The following LRRC4C variants were observed in gnomAD, a reference collection of about 807,000 sequenced individuals.
The protein encoded by LRRC4C is leucine-rich repeat-containing protein 4C.
A neutral mutation model predicts 33.6 loss-of-function variants in LRRC4C; 5 were observed. The observed-to-expected ratio is 0.15, with a 90% CI of 0.08 to 0.31. The LOEUF (loss-of-function observed/expected upper bound fraction) is 0.31, where lower values mean the gene tolerates loss of function less well. Among genes scored for constraint, LRRC4C ranks in the 10% least tolerant of loss-of-function variants. LRRC4C has a pLI of 1.00. For missense variants in LRRC4C, 560 were observed against 796.7 expected, an observed-to-expected ratio of 0.70 and a Z score of 3.58; for synonymous variants, 329 against 302.0, an observed-to-expected ratio of 1.09 and a Z score of -0.93.
At chr11:41,228,153 C>T (rs188689183) in intron 1 of LRRC4C, among the ~76,000 whole-genome samples, 1 of 152,128 alleles carries the variant, frequency 6.6e-6, no homozygotes, top group Non-Finnish European at 1.5e-5. Context: ...TGTTATTTTT[C>T]ACAGACAAAC....
At chr11:40,401,446 T>G (rs1211004096) in intron 3 of LRRC4C, among the ~76,000 whole-genome samples, 1 of 152,126 alleles carries the variant, frequency 6.6e-6, no homozygotes, top group African/African-American at 2.4e-5. Flanking sequence ...TTATTTTGGC[T>G]TTCATTTACC....
At chr11:41,376,563 A>C (rs1952943161) in intron 1 of LRRC4C, among the ~76,000 whole-genome samples, 1 of 152,216 alleles carries the variant, frequency 6.6e-6, no homozygotes, top group Non-Finnish European at 1.5e-5. Context: ...GACCAAAAAT[A>C]AAACAATAGT....
At chr11:40,164,982 T>C (rs368639854) in intron 5 of LRRC4C, among the ~76,000 whole-genome samples, 1 of 152,202 alleles carries the variant, frequency 6.6e-6, no homozygotes, top group East Asian at 1.9e-4. Flanking sequence ...ATTGCTTTTA[T>C]CCAGGAATCT....
intron 3 of LRRC4C, among the ~76,000 whole-genome samples, chr11:40,517,673 G>A (rs990610759): frequency 1.3e-5 from 2 of 151,818 alleles, no homozygotes; most frequent in Admixed American, 6.6e-5. Context: ...TGGCCATACT[G>A]CCCAAAGTAA....
At chr11:41,428,028 CTT>C (rs2138391850) in intron 1 of LRRC4C, among the ~76,000 whole-genome samples, 2 of 152,196 alleles carry the variant, frequency 1.3e-5, no homozygotes, top group African/African-American at 4.8e-5. Context: ...CGCTGACTCT[CTT>C]TTTGGACTCA....
chr11:41,063,230 T>C (rs1937928061), intron 1 of LRRC4C, among the ~76,000 whole-genome samples: 1 of 152,198 alleles, frequency 6.6e-6, no homozygotes, highest in African/African-American at 2.4e-5. Flanking sequence ...AAACTATACC[T>C]TTATTATTTA....
chr11:40,546,430 A>G (rs1956927835), intron 3 of LRRC4C, among the ~76,000 whole-genome samples: 1 of 152,054 alleles, frequency 6.6e-6, no homozygotes, highest in Non-Finnish European at 1.5e-5. Context: ...TTCATCCTCT[A>G]GAATATAGAG....
intron 2 of LRRC4C, among the ~76,000 whole-genome samples, chr11:40,768,549 A>C (rs1021426390): frequency 6.6e-6 from 1 of 152,154 alleles, no homozygotes; most frequent in African/African-American, 2.4e-5. Context: ...AAAAAGAAAC[A>C]GGCCAATATC....
chr11:40,143,889 G>C (rs1857542614), intron 5 of LRRC4C, among the ~76,000 whole-genome samples: 1 of 152,244 alleles, frequency 6.6e-6, no homozygotes, highest in Admixed American at 6.5e-5. Context: ...CCATTTTATA[G>C]GTGAGGAAAC....
chr11:40,598,623 T>C (rs1159761781), intron 3 of LRRC4C, among the ~76,000 whole-genome samples: 1 of 152,196 alleles, frequency 6.6e-6, no homozygotes, highest in Non-Finnish European at 1.5e-5. Flanking sequence ...TCCATCTCTT[T>C]CAACACATAC....
At position 40,883,422 on chromosome 11, in the gene LRRC4C, C is replaced by T. The variant is rs1019280466; in HGVS notation, c.-407+50213G>A. On this transcript the variant is annotated intron_variant, in intron 2 of 6. Transcript: ENST00000528697. ...AGGGGATATAAACTGAACTCACATT[C>T]GAAAAGATTTCTATCAGCAGATAGC... Among the ~76,000 whole-genome samples the T allele has an allele frequency of 9.2e-5, 14 of 151,850 alleles. No individual in the cohort carries two copies. The East Asian group carries it at 1.5e-3, about 17-fold the overall frequency.
intron 3 of LRRC4C, among the ~76,000 whole-genome samples, chr11:40,624,639 G>A (rs12226401): frequency 0.43 from 65,699 of 151,954 alleles, 15,279 homozygotes; most frequent in Middle Eastern, 0.57. Context: ...TTGTCAGCCC[G>A]AAAGATCCAC....
chr11:41,169,851 C>T (rs917102887), intron 1 of LRRC4C, among the ~76,000 whole-genome samples: 2 of 151,956 alleles, frequency 1.3e-5, no homozygotes, highest in Non-Finnish European at 1.5e-5. Context: ...ACAGGAAAAC[C>T]GTGCTTAGAT....
chr11:41,445,713 A>G (rs1955799773), intron 1 of LRRC4C, among the ~76,000 whole-genome samples: 1 of 152,176 alleles, frequency 6.6e-6, no homozygotes, highest in African/African-American at 2.4e-5. Flanking sequence ...CAATAATTAC[A>G]CCTTTCTTAA....
chr11:41,072,380 T>C (rs1375973334), intron 1 of LRRC4C, among the ~76,000 whole-genome samples: 2 of 134,200 alleles, frequency 1.5e-5, no homozygotes, highest in Non-Finnish European at 3.1e-5. Flanking sequence ...AAAAAAAAAT[T>C]GTGATCTCCA....
At chr11:40,133,220 A>G (rs1355472762) in intron 6 of LRRC4C, among the ~76,000 whole-genome samples, 2 of 152,214 alleles carry the variant, frequency 1.3e-5, no homozygotes, top group African/African-American at 4.8e-5. Flanking sequence ...ATGCCTTTAT[A>G]GGTTGAAAAC....
chr11:41,293,880 A>C (rs996483058), intron 1 of LRRC4C, among the ~76,000 whole-genome samples: 2 of 152,138 alleles, frequency 1.3e-5, no homozygotes, highest in African/African-American at 4.8e-5. Flanking sequence ...TACAGGTGTG[A>C]GCCACCTCGC....
At chr11:40,565,242 G>A (rs867974179) in intron 3 of LRRC4C, among the ~76,000 whole-genome samples, 2 of 152,106 alleles carry the variant, frequency 1.3e-5, no homozygotes, top group African/African-American at 2.4e-5. Flanking sequence ...AAGTGAGTCT[G>A]TGCATCATAA....
intron 2 of LRRC4C, among the ~76,000 whole-genome samples, chr11:40,829,456 C>A (rs938407713): frequency 1.3e-5 from 2 of 151,964 alleles, no homozygotes; most frequent in South Asian, 2.1e-4. Flanking sequence ...TTAGTAGTTT[C>A]TTTGGCAATG....
Sources: gnomAD v4.1 joint callset for allele counts (sites outside exome capture counted in the v4.1 genomes callset) on GRCh38, gnomAD v4.1.1 for gene constraint, MANE v1.5 for transcripts, NCBI Gene and HGNC (gene_info 2026-07-23, HGNC 2026-07-21) for gene names.